The following NKTR variants were observed in gnomAD, a reference collection of about 807,000 sequenced individuals.
The protein encoded by NKTR is NK-tumor recognition protein.
Under a neutral mutation model 156.3 loss-of-function variants are expected in NKTR, and 67 were observed. The ratio of observed to expected loss-of-function variants is 0.43; its 90% confidence interval spans 0.35 to 0.53. The LOEUF is 0.53. Among genes scored for constraint, NKTR ranks in the 20% least tolerant of loss-of-function variants. The pLI, the probability that NKTR is intolerant of heterozygous loss-of-function variation, is 0.01. For synonymous variants in NKTR, 640 were observed against 596.6 expected, an observed-to-expected ratio of 1.07 and a Z score of -1.06; for missense variants, 1,604 against 1,730.9, an observed-to-expected ratio of 0.93 and a Z score of 1.30.
At position 42,642,611 on chromosome 3, in the gene NKTR, T is replaced by G; in HGVS notation, c.4142+15T>G. ...AAAAGTCACAGGTGAGCTTGTGATC[T>G]CACCCTGTGATGTGGTCTCCATCAT... On this transcript the variant is annotated intron_variant, in intron 14 of 16. Coordinates refer to ENST00000232978, the MANE Select transcript of NKTR (RefSeq NM_005385.4). 1 of 1,593,436 alleles carries G rather than the reference T, an allele frequency of 6.3e-7. No homozygotes were observed. Among genetic ancestry groups the G allele is most frequent in the East Asian group, 2.2e-5 (1 of 44,790 alleles).
At chr3:42,628,497 CCTTT>C (rs1213124439) in intron 6 of NKTR, 2 of 985,238 alleles carry the variant, frequency 2.0e-6, no homozygotes, top group African/African-American at 3.5e-5. Context: ...GTTTTTACAG[CCTTT>C]CTATCAGCCA....
rs554568670 is a variant in NKTR at position 42,625,443 on chromosome 3, A to G, written c.374+3927A>G. The stretch of plus-strand genomic sequence containing the variant: ...TAGGGCAATGGGGGGGCGGGGCATA[A>G]GTTTTAGAATATGTTTTATGTCATT... On this transcript the variant is annotated intron_variant, in intron 6 of 16. Transcript: ENST00000232978. 1.4e-4 allele frequency among the ~76,000 whole-genome samples: 22 copies of G among 152,020 alleles called. No individual in the cohort carries two copies. The South Asian group carries it at 4.4e-3, about 30-fold the overall frequency.
At position 42,639,363 on chromosome 3, in the gene NKTR, A is replaced by T. The variant is rs192277822; in HGVS notation, c.3659A>T (p.Asn1220Ile). ...KKEVAEKSQINLIDKKWKPLQ... is the reference protein window; with the variant it reads ...KKEVAEKSQIILIDKKWKPLQ... Reference sequence around the variant, plus strand: ...GAGGTGGCTGAGAAGAGCCAGATCAACCTCATTGATAAGAAATGGAAGCCC... The same window carrying T: ...GAGGTGGCTGAGAAGAGCCAGATCATCCTCATTGATAAGAAATGGAAGCCC... The change falls in exon 13 of 17, where the codon AAC becomes ATC. Residue 1220 changes from asparagine (N) to isoleucine (I), a missense_variant. By Grantham distance (149) the Asn-to-Ile change is moderately radical. Coordinates refer to ENST00000232978, the MANE Select transcript of NKTR (RefSeq NM_005385.4). 30 of 1,614,116 alleles carry T rather than the reference A, an allele frequency of 1.9e-5. No individual in the cohort carries two copies. In the South Asian group the frequency reaches 2.3e-4, roughly 12 times the overall value.
At position 42,639,435 on chromosome 3, in the gene NKTR, G is replaced by C. The variant is rs1184603659; in HGVS notation, c.3731G>C (p.Ser1244Thr). 1 of 1,614,112 alleles carries C rather than the reference G, an allele frequency of 6.2e-7. No individual in the cohort carries two copies. The highest frequency in any genetic ancestry group is 1.1e-5 in the South Asian group (1 of 91,082). The change falls in exon 13 of 17, where the codon AGT becomes ACT. Residue 1244 changes from serine (S) to threonine (T), a missense_variant. This residue lies in a region of NKTR where 1,255 missense variants were observed against 1,243.7 expected (regional missense o/e 1.01). Coordinates refer to ENST00000232978, the MANE Select transcript of NKTR (RefSeq NM_005385.4). ...NLAAPNAATS[S>T]AVEVKVLTTV... Reference sequence around the variant, plus strand: ...GCAGCACCTAATGCTGCCACATCCAGTGCTGTGGAAGTTAAGGTGTTGACC... The same window carrying C: ...GCAGCACCTAATGCTGCCACATCCACTGCTGTGGAAGTTAAGGTGTTGACC...
At chr3:42,621,265 TTTG>T (rs1022718321) in intron 5 of NKTR, 161 bp from the exon 6 acceptor site, 10 of 1,314,124 alleles carry the variant, frequency 7.6e-6, no homozygotes, top group Non-Finnish European at 9.7e-6. Context: ...TTTTTATGCT[TTTG>T]TTATTTGATT....
Position 42,646,047 on chromosome 3 carries a change from CTG to C in NKTR, c.*74_*75del. 1 of 1,095,998 alleles carries C rather than the reference CTG, an allele frequency of 9.1e-7. No homozygotes were observed. The highest frequency in any genetic ancestry group is 1.4e-6 in the Non-Finnish European group (1 of 729,132). 67.9% of individuals were successfully genotyped at this position (1,095,998 alleles called of 1,614,324 possible). A position where few individuals can be genotyped will look rare whatever the true frequency, so the allele number is the denominator to read the frequency against. On this transcript the variant is annotated 3_prime_UTR_variant, in exon 17 of 17. Transcript: ENST00000232978. ...TTAGCTTAAGAAATGTAATGACAGT[CTG>C]TTGTTCTATTTCAATATCAGAGGTG...
At chr3:42,621,253 C>G in intron 5 of NKTR, 176 bp from the exon 6 acceptor site, 2 of 1,293,658 alleles carry the variant, frequency 1.5e-6, no homozygotes, top group Non-Finnish European at 2.0e-6. Context: ...TATCTTTTGG[C>G]CTTTTTATGC....
At chr3:42,633,048 CTT>C in intron 9 of NKTR, 3 of 1,214,490 alleles carry the variant, frequency 2.5e-6, no homozygotes, top group South Asian at 3.1e-5. Context: ...CCTAAGAACT[CTT>C]TTTTTAAGAG....
chr3:42,604,519 T>C (rs1302196337), intron 2 of NKTR, among the ~76,000 whole-genome samples: 1 of 152,062 alleles, frequency 6.6e-6, no homozygotes, highest in African/African-American at 2.4e-5. Flanking sequence ...GTTCTATAAA[T>C]GTCAAATCCA....
Position 42,646,195 on chromosome 3 carries a change from T to G in NKTR, c.*220T>G, listed in dbSNP as rs766114918. ...TGCCACATTTTACAGTAGCCAACTA[T>G]GGAAATGAATTTCATTTTCTTGAAT... On this transcript the variant is annotated 3_prime_UTR_variant, in exon 17 of 17. Coordinates refer to ENST00000232978, the MANE Select transcript of NKTR (RefSeq NM_005385.4). 1 of 385,908 alleles carries G rather than the reference T, an allele frequency of 2.6e-6. No homozygotes were observed. Among genetic ancestry groups the G allele is most frequent in the Non-Finnish European group, 4.8e-6 (1 of 208,174 alleles). The allele number at this position is 385,908 out of a possible 1,614,324, so 23.9% of individuals were successfully genotyped here.
At chr3:42,629,659 C>T in intron 6 of NKTR, 7 of 978,208 alleles carry the variant, frequency 7.2e-6, no homozygotes, top group Non-Finnish European at 8.5e-6. Flanking sequence ...TCTTATAAAT[C>T]AAGATGCTTG....
At chr3:42,642,641 A>G (rs2302352) in intron 14 of NKTR, 45 bp downstream of exon 14, 197,573 of 1,376,002 alleles carry the variant, frequency 0.14, 16,316 homozygotes, top group African/African-American at 0.29. Flanking sequence ...CATCATGTCC[A>G]CTTTTTAAGG....
chr3:42,627,609 A>G, intron 6 of NKTR: 1 of 985,234 alleles, frequency 1.0e-6, no homozygotes, highest in Non-Finnish European at 1.2e-6. Flanking sequence ...AAGATTTATA[A>G]GGCTTAAATA....
At chr3:42,631,789 C>T (rs1708927900) in intron 8 of NKTR, among the ~76,000 whole-genome samples, 2 of 152,232 alleles carry the variant, frequency 1.3e-5, no homozygotes, top group South Asian at 2.1e-4. Context: ...CCTGGCTGGT[C>T]TGGCTCTCTG....
chr3:42,617,294 A>G (rs1707465247), intron 2 of NKTR, among the ~76,000 whole-genome samples: 2 of 152,210 alleles, frequency 1.3e-5, no homozygotes, highest in African/African-American at 4.8e-5. Context: ...ACTACGAGGA[A>G]TCTAATAATA....
chr3:42,629,183 A>G, intron 6 of NKTR: 1 of 984,934 alleles, frequency 1.0e-6, no homozygotes, highest in Non-Finnish European at 1.2e-6. Flanking sequence ...TGATTTAAAC[A>G]CTAGTGGCTC....
chr3:42,611,559 C>T (rs1376143520), intron 2 of NKTR, among the ~76,000 whole-genome samples: 2 of 151,844 alleles, frequency 1.3e-5, no homozygotes, highest in Non-Finnish European at 2.9e-5. Flanking sequence ...TGGTGAAACC[C>T]CATCTCTACT....
chr3:42,642,784 T>C (rs533841323), intron 14 of NKTR, among the ~76,000 whole-genome samples, 188 bp downstream of exon 14: 4 of 152,350 alleles, frequency 2.6e-5, no homozygotes, highest in East Asian at 3.9e-4. Flanking sequence ...TGGGATCTTA[T>C]CAGAGTGAGG....
Position 42,635,543 on chromosome 3 carries a change from C to T in NKTR, c.1163+177C>T, listed in dbSNP as rs1709320582. On this transcript the variant is annotated intron_variant, in intron 12 of 16. Coordinates refer to ENST00000232978, the MANE Select transcript of NKTR (RefSeq NM_005385.4). ...AAAGTAGTACTGTTAACTAGTTGGG[C>T]TTTTAAATCAAAATCCTGTTTTCCT... 3 of 459,304 alleles carry T rather than the reference C, an allele frequency of 6.5e-6. No individual in the cohort carries two copies. The East Asian group carries it at 1.1e-4, about 17-fold the overall frequency. 28.5% of individuals were successfully genotyped at this position (459,304 alleles called of 1,614,324 possible).
Sources: allele counts gnomAD v4.1 joint callset (sites outside exome capture counted in the v4.1 genomes callset), GRCh38; gene constraint gnomAD v4.1.1; regional missense constraint gnomAD v4.1.1; transcripts MANE v1.5; gene names NCBI Gene and HGNC (gene_info 2026-07-23, HGNC 2026-07-21).